TVP23A: variants seen among roughly 807,000 people sequenced by gnomAD.
TVP23A encodes trans-golgi network vesicle protein 23 homolog A.
TVP23A carries 21 observed loss-of-function variants against 31.7 expected under a neutral mutation model. The observed-to-expected ratio is 0.66, with a 90% CI of 0.47 to 0.95. TVP23A has a LOEUF of 0.95. TVP23A is among the 40% of genes least tolerant of loss of function. The pLI is 0.00. For synonymous variants in TVP23A, 104 were observed against 96.0 expected (o/e 1.08, Z -0.49); for missense variants, 279 against 255.6 (o/e 1.09, Z -0.62).
At chr16:10,816,086 G>A (rs532873860) in intron 2 of TVP23A, among the ~76,000 whole-genome samples, 1 of 152,162 alleles carries the variant, frequency 6.6e-6, no homozygotes, top group African/African-American at 2.4e-5. Flanking sequence ...AAATTAGCCT[G>A]GCATGGTGGC....
At chr16:10,765,447 G>A (rs1015608851), downstream of TVP23A, among the ~76,000 whole-genome samples, 3 of 151,948 alleles carry the variant, frequency 2.0e-5, no homozygotes, top group Admixed American at 1.3e-4. The surrounding 1 kb of genome is among the most constrained non-coding windows in gnomAD (Gnocchi z 4.0). Context: ...GGTTGAGGTT[G>A]CAGTGAGCCA....
chr16:10,770,990 T>C (rs192084762), intron 6 of TVP23A, among the ~76,000 whole-genome samples: 7 of 151,762 alleles, frequency 4.6e-5, no homozygotes, highest in Non-Finnish European at 7.4e-5. Flanking sequence ...AAAACTATAA[T>C]TGCACTTATA....
downstream of TVP23A, among the ~76,000 whole-genome samples, chr16:10,758,472 C>CA (rs546097974): frequency 1.3e-4 from 20 of 152,186 alleles, no homozygotes; most frequent in African/African-American, 4.3e-4. Flanking sequence ...GGCCTTGTCC[C>CA]AAAAGATAAA....
At chr16:10,783,596 A>G (rs914348658) in intron 2 of TVP23A, among the ~76,000 whole-genome samples, 4 of 152,268 alleles carry the variant, frequency 2.6e-5, no homozygotes, top group Middle Eastern at 3.4e-3. Flanking sequence ...GAATCACTTG[A>G]ACCCAAGAAG....
At chr16:10,789,137 G>A (rs1291628608) in intron 2 of TVP23A, among the ~76,000 whole-genome samples, 1 of 152,142 alleles carries the variant, frequency 6.6e-6, no homozygotes, top group African/African-American at 2.4e-5. Flanking sequence ...CAAGAGCAAG[G>A]TTTTTATATC....
intron 2 of TVP23A, among the ~76,000 whole-genome samples, chr16:10,809,758 T>TAAA: frequency 6.6e-6 from 1 of 152,246 alleles, no homozygotes; most frequent in East Asian, 1.9e-4. Flanking sequence ...CTGTCTGACC[T>TAAA]AAAGCCCAGG....
downstream of TVP23A, chr16:10,757,727 C>A: frequency 3.3e-6 from 3 of 898,124 alleles, no homozygotes; most frequent in Non-Finnish European, 5.1e-6. The surrounding 1 kb of genome is among the most constrained non-coding windows in gnomAD (Gnocchi z 4.1). Context: ...ACTTGGGAGG[C>A]TGAGGTGGGA....
At chr16:10,804,373 T>C (rs570889131) in intron 2 of TVP23A, among the ~76,000 whole-genome samples, 1 of 152,320 alleles carries the variant, frequency 6.6e-6, no homozygotes, top group Non-Finnish European at 1.5e-5. Context: ...ATCAGTCAAC[T>C]GAGTGGGTGA....
In TVP23A at chr16:10,775,364, C is replaced by T. The variant is rs146911165; in HGVS notation, c.90-268G>A. The T allele has an allele frequency of 9.0e-4, 1,133 of 1,256,704 alleles. 10 individuals carry two copies. The African/African-American group carries it at 0.016, about 17-fold the overall frequency. 77.8% of individuals were successfully genotyped at this position (1,256,704 alleles called of 1,614,324 possible). A position where few individuals can be genotyped will look rare whatever the true frequency, so the allele number is the denominator to read the frequency against. ...CCACTTGACTCCAAATATCACTTGCCCTCTTCGAAACACGGTCATCTTTGA... is the reference window on the plus strand; with the variant it reads ...CCACTTGACTCCAAATATCACTTGCTCTCTTCGAAACACGGTCATCTTTGA... On this transcript the variant is annotated intron_variant, in intron 2 of 7. Coordinates refer to ENST00000299866, the MANE Select transcript of TVP23A (RefSeq NM_001079512.4).
chr16:10,787,278 TA>T (rs1346442473), intron 2 of TVP23A, among the ~76,000 whole-genome samples: 1 of 152,206 alleles, frequency 6.6e-6, no homozygotes, highest in African/African-American at 2.4e-5. Flanking sequence ...GTTTTCCTTT[TA>T]ATGAAAAGCA....
At chr16:10,775,750 T>TC (rs528987622) in intron 2 of TVP23A, among the ~76,000 whole-genome samples, 1 of 143,366 alleles carries the variant, frequency 7.0e-6, no homozygotes, top group African/African-American at 2.6e-5. Context: ...TTTTCTTTTT[T>TC]TTTTTTTTTT....
At chr16:10,795,276 A>G (rs1385939840) in intron 2 of TVP23A, among the ~76,000 whole-genome samples, 5 of 149,954 alleles carry the variant, frequency 3.3e-5, no homozygotes, top group South Asian at 4.2e-4. Context: ...TTAAAGACAG[A>G]GTCTCGCTCT....
At chr16:10,810,000 G>C (rs1418969381) in intron 2 of TVP23A, among the ~76,000 whole-genome samples, 1 of 152,182 alleles carries the variant, frequency 6.6e-6, no homozygotes, top group Non-Finnish European at 1.5e-5. Context: ...ATCAATGTAT[G>C]AATGGATAAA....
At chr16:10,801,665 AG>A (rs2033700568) in intron 2 of TVP23A, among the ~76,000 whole-genome samples, 1 of 152,130 alleles carries the variant, frequency 6.6e-6, no homozygotes. Context: ...TATGTTTCCC[AG>A]ACCGGTCTCA....
chr16:10,789,665 TAAAAAAAA>T (rs969812242), intron 2 of TVP23A, among the ~76,000 whole-genome samples: 2 of 55,410 alleles, frequency 3.6e-5, no homozygotes, highest in South Asian at 1.4e-3. Flanking sequence ...CCATCTCTAC[TAAAAAAAA>T]AAAAAAAAAA....
intron 2 of TVP23A, among the ~76,000 whole-genome samples, chr16:10,805,800 G>C (rs565851842): frequency 6.6e-6 from 1 of 152,116 alleles, no homozygotes; most frequent in South Asian, 2.1e-4. Context: ...GTGGTCCCTA[G>C]AACTGTGCTT....
intron 2 of TVP23A, among the ~76,000 whole-genome samples, chr16:10,799,877 G>A (rs549109807): frequency 2.6e-5 from 4 of 152,252 alleles, no homozygotes; most frequent in Admixed American, 6.5e-5. Flanking sequence ...AGAGAGGCCC[G>A]AGACTGACTT....
rs552485333 is a variant in TVP23A at position 10,777,909 on chromosome 16, G to A, written c.90-2813C>T. Among the ~76,000 whole-genome samples, 4 of 152,294 alleles carry A rather than the reference G, an allele frequency of 2.6e-5. No homozygotes were observed. The highest frequency in any genetic ancestry group is 2.1e-4 in the South Asian group (1 of 4,808). On this transcript the variant is annotated intron_variant, in intron 2 of 7. Coordinates refer to ENST00000299866, the MANE Select transcript of TVP23A (RefSeq NM_001079512.4). The surrounding 1 kb of genome is among the most constrained non-coding windows in gnomAD (Gnocchi z 4.5). ...GCCTGTAGTCCCAGCTACTCGGGACGCTGAGGCAGGAGAATTGCTTGAATC... is the reference window on the plus strand; with the variant it reads ...GCCTGTAGTCCCAGCTACTCGGGACACTGAGGCAGGAGAATTGCTTGAATC...
chr16:10,758,801 G>A (rs147185333), downstream of TVP23A, among the ~76,000 whole-genome samples: 1 of 152,256 alleles, frequency 6.6e-6, no homozygotes, highest in East Asian at 1.9e-4. Context: ...TAAGCCACTG[G>A]GTGCCTTCGC....
Sources: allele counts gnomAD v4.1 joint callset (sites outside exome capture counted in the v4.1 genomes callset), GRCh38; gene constraint gnomAD v4.1.1; non-coding constraint Gnocchi (gnomAD v3.1); transcripts MANE v1.5; gene names NCBI Gene and HGNC (gene_info 2026-07-23, HGNC 2026-07-21).